Variants in CAMKMT observed in about 807,000 individuals in gnomAD.
CAMKMT encodes the protein calmodulin-lysine N-methyltransferase, also known as CaM KMT.
Under a neutral mutation model 48.0 loss-of-function variants are expected in CAMKMT, and 53 were observed. The observed-to-expected ratio is 1.10, with a 90% confidence interval of 0.89 to 1.39. The LOEUF (loss-of-function observed/expected upper bound fraction) is 1.39, where lower values mean the gene tolerates loss of function less well. CAMKMT is among the 40% of genes most tolerant of loss of function. CAMKMT has a pLI of 0.00. For missense variants in CAMKMT, 428 were observed against 402.7 expected (o/e 1.06, Z -0.54); for synonymous variants, 165 against 152.3 (o/e 1.08, Z -0.61).
intron 3 of CAMKMT, among the ~76,000 whole-genome samples, chr2:44,425,870 A>C (rs1684244707): frequency 6.6e-6 from 1 of 152,108 alleles, no homozygotes; most frequent in Non-Finnish European, 1.5e-5. Flanking sequence ...AGCTGGGATT[A>C]CATGCATGTG....
chr2:44,607,317 G>T (rs1671341403), intron 3 of CAMKMT, among the ~76,000 whole-genome samples: 2 of 152,298 alleles, frequency 1.3e-5, no homozygotes, highest in East Asian at 1.9e-4. Flanking sequence ...AGTGGAAATG[G>T]TAGAGAAATC....
chr2:44,373,247 G>C (rs897483259), intron 2 of CAMKMT, among the ~76,000 whole-genome samples: 1 of 152,128 alleles, frequency 6.6e-6, no homozygotes, highest in African/African-American at 2.4e-5. Context: ...TACCCTTCAA[G>C]TAATAATCTG....
At chr2:44,738,735 A>G (rs2104362348) in intron 7 of CAMKMT, among the ~76,000 whole-genome samples, 1 of 152,316 alleles carries the variant, frequency 6.6e-6, no homozygotes, top group East Asian at 1.9e-4. Context: ...TTGCACATTA[A>G]AGGGTAATAG....
intron 3 of CAMKMT, among the ~76,000 whole-genome samples, chr2:44,416,597 G>T (rs2104495705): frequency 8.5e-6 from 1 of 117,478 alleles, no homozygotes. Context: ...TTTTTGAGAT[G>T]GAGTCTTGCT....
At chr2:44,717,375 G>C (rs1311346786) in intron 7 of CAMKMT, among the ~76,000 whole-genome samples, 3 of 152,092 alleles carry the variant, frequency 2.0e-5, no homozygotes, top group African/African-American at 7.2e-5. Context: ...GAAATGCCTT[G>C]ATCTTATATT....
chr2:44,560,321 G>C (rs926661966), intron 3 of CAMKMT, among the ~76,000 whole-genome samples: 1 of 152,158 alleles, frequency 6.6e-6, no homozygotes, highest in African/African-American at 2.4e-5. Context: ...TCACTCTGTT[G>C]CTCAGGCTGG....
chr2:44,438,150 A>G (rs1334568379), intron 3 of CAMKMT, among the ~76,000 whole-genome samples: 2 of 152,220 alleles, frequency 1.3e-5, no homozygotes, highest in Non-Finnish European at 2.9e-5. Flanking sequence ...AAGGTCACTC[A>G]GCTAGTAAAA....
In CAMKMT at chr2:44,412,855, T is replaced by A. The variant is rs548257854; in HGVS notation, c.376+22550T>A. ...CTTTGGGAGGCGGAGGTGGGCAGAT[T>A]ACCTGAGGTCAGGAGTTTGAGACCA... On this transcript the variant is annotated intron_variant, in intron 3 of 10. Transcript: ENST00000378494. Among the ~76,000 whole-genome samples the A allele has an allele frequency of 6.0e-5, 9 of 150,984 alleles. No homozygotes were observed. In the South Asian group the frequency reaches 1.7e-3, roughly 28 times the overall value.
chr2:44,532,430 T>G (rs1666536598), intron 3 of CAMKMT, among the ~76,000 whole-genome samples: 1 of 152,232 alleles, frequency 6.6e-6, no homozygotes, highest in Non-Finnish European at 1.5e-5. Context: ...TTTGAATATC[T>G]GCTTGCATGC....
intron 3 of CAMKMT, among the ~76,000 whole-genome samples, chr2:44,509,941 C>A (rs545273945): frequency 6.6e-6 from 1 of 152,134 alleles, no homozygotes. Flanking sequence ...CAGAATAAAC[C>A]TTTTTTCTTT....
intron 3 of CAMKMT, among the ~76,000 whole-genome samples, chr2:44,549,241 A>G (rs1176039289): frequency 6.6e-6 from 1 of 152,212 alleles, no homozygotes; most frequent in African/African-American, 2.4e-5. Context: ...CTCTCTCACC[A>G]GTTTACCAGC....
At chr2:44,564,444 T>C (rs927187433) in intron 3 of CAMKMT, among the ~76,000 whole-genome samples, 1 of 152,068 alleles carries the variant, frequency 6.6e-6, no homozygotes, top group Non-Finnish European at 1.5e-5. Context: ...CAAAGTGCTG[T>C]TATTACAGGC....
intron 3 of CAMKMT, among the ~76,000 whole-genome samples, chr2:44,406,701 A>T (rs529843279): frequency 6.6e-6 from 1 of 152,266 alleles, no homozygotes; most frequent in East Asian, 1.9e-4. Context: ...GACCCAGGTG[A>T]TCCTCCCACC....
At chr2:44,443,446 G>A (rs1461788498) in intron 3 of CAMKMT, among the ~76,000 whole-genome samples, 1 of 151,704 alleles carries the variant, frequency 6.6e-6, no homozygotes, top group Admixed American at 6.6e-5. Flanking sequence ...TCATCTTTGG[G>A]GTATGTAAAT....
At chr2:44,553,672 G>T (rs1667847987) in intron 3 of CAMKMT, among the ~76,000 whole-genome samples, 1 of 152,114 alleles carries the variant, frequency 6.6e-6, no homozygotes, top group East Asian at 1.9e-4. Flanking sequence ...CGTTTTTGTT[G>T]TTGTTGTTAG....
intron 9 of CAMKMT, among the ~76,000 whole-genome samples, chr2:44,759,576 T>G (rs1421982290): frequency 6.6e-6 from 1 of 152,200 alleles, no homozygotes; most frequent in Non-Finnish European, 1.5e-5. Context: ...CTGAGACACT[T>G]GGGTTCTTAT....
intron 3 of CAMKMT, among the ~76,000 whole-genome samples, chr2:44,530,190 A>T (rs1395842376): frequency 6.6e-6 from 1 of 152,204 alleles, no homozygotes; most frequent in Non-Finnish European, 1.5e-5. Flanking sequence ...ATGTGAGGGA[A>T]ATTAAAATAG....
At chr2:44,707,800 T>C (rs1169673478) in intron 6 of CAMKMT, among the ~76,000 whole-genome samples, 1 of 152,162 alleles carries the variant, frequency 6.6e-6, no homozygotes. Context: ...AATTATTTGG[T>C]ATTTATTGTA....
chr2:44,602,274 T>A (rs1455406241), intron 3 of CAMKMT, among the ~76,000 whole-genome samples: 1 of 152,088 alleles, frequency 6.6e-6, no homozygotes, highest in South Asian at 2.1e-4. Flanking sequence ...TGAGCCACCA[T>A]GCCTGGCCCT....
Sources: allele counts gnomAD v4.1 joint callset (sites outside exome capture counted in the v4.1 genomes callset), GRCh38; gene constraint gnomAD v4.1.1; transcripts MANE v1.5; gene names NCBI Gene and HGNC (gene_info 2026-07-23, HGNC 2026-07-21).